The following MACROD2 variants were observed in gnomAD, a reference collection of about 807,000 sequenced individuals.
The protein encoded by MACROD2 is ADP-ribose glycohydrolase MACROD2.
Under a neutral mutation model 70.4 loss-of-function variants are expected in MACROD2, and 36 were observed. The ratio of observed to expected loss-of-function variants is 0.51; its 90% CI spans 0.39 to 0.68. MACROD2 has a LOEUF of 0.68. Ranked by LOEUF, MACROD2 falls within the 30% of genes least tolerant of loss-of-function variation. The pLI is 0.00. For synonymous variants in MACROD2, 172 were observed against 178.8 expected (o/e 0.96, Z 0.30); for missense variants, 496 against 538.4 (o/e 0.92, Z 0.78).
intron 2 of MACROD2, among the ~76,000 whole-genome samples, chr20:14,072,055 A>T (rs1056845096): frequency 2.0e-5 from 3 of 152,234 alleles, no homozygotes; most frequent in Admixed American, 2.0e-4. Flanking sequence ...TAAATAGAAG[A>T]TACATGATTA....
intron 10 of MACROD2, among the ~76,000 whole-genome samples, chr20:15,914,788 A>G (rs962506726): frequency 3.3e-5 from 5 of 152,288 alleles, no homozygotes; most frequent in Non-Finnish European, 7.4e-5. Context: ...CAAGATACCC[A>G]TGGCAAGTCC....
intron 3 of MACROD2, among the ~76,000 whole-genome samples, chr20:14,117,494 T>C (rs1476129256): frequency 6.6e-6 from 1 of 152,184 alleles, no homozygotes; most frequent in Non-Finnish European, 1.5e-5. Context: ...AGTATATTGG[T>C]AGGCAGGTAG....
At chr20:14,641,778 A>G (rs1985112394) in intron 4 of MACROD2, among the ~76,000 whole-genome samples, 1 of 152,238 alleles carries the variant, frequency 6.6e-6, no homozygotes, top group Non-Finnish European at 1.5e-5. Context: ...CTGTAAGCAG[A>G]TATGCTGTCA....
At chr20:14,008,238 A>G (rs966698165) in intron 2 of MACROD2, among the ~76,000 whole-genome samples, 4 of 152,236 alleles carry the variant, frequency 2.6e-5, no homozygotes, top group Non-Finnish European at 5.9e-5. Flanking sequence ...ATCTCAGCCC[A>G]GTAGCTTTTC....
At chr20:15,850,169 C>T (rs1293039203) in intron 8 of MACROD2, among the ~76,000 whole-genome samples, 1 of 152,118 alleles carries the variant, frequency 6.6e-6, no homozygotes, top group Non-Finnish European at 1.5e-5. Context: ...ATCTGTGGAT[C>T]ATGCAGAGGT....
At chr20:15,569,774 G>A (rs73260606) in intron 8 of MACROD2, among the ~76,000 whole-genome samples, 13,078 of 152,118 alleles carry the variant, frequency 0.086, 1,846 homozygotes, top group African/African-American at 0.3. Flanking sequence ...CAACCGTGCC[G>A]ACATACAGTG....
chr20:15,650,823 C>T (rs897634748), intron 8 of MACROD2, among the ~76,000 whole-genome samples: 1 of 152,048 alleles, frequency 6.6e-6, no homozygotes, highest in Non-Finnish European at 1.5e-5. Context: ...AACCTGAGAA[C>T]CCCTTGCGCT....
At position 14,840,405 on chromosome 20, in the gene MACROD2, T is replaced by C. The variant is rs112435140; in HGVS notation, c.418+155446T>C. On this transcript the variant is annotated intron_variant, in intron 5 of 17. Coordinates refer to ENST00000684519, the MANE Select transcript of MACROD2 (RefSeq NM_001351661.2). ...TCAAGCTTAAAATAATTTTCTGCTGTTCTTTTTTTCCAGTAGGGACAAGGT... is the reference window on the plus strand; with the variant it reads ...TCAAGCTTAAAATAATTTTCTGCTGCTCTTTTTTTCCAGTAGGGACAAGGT... Among the ~76,000 whole-genome samples the C allele has an allele frequency of 8.5e-3, 1,298 of 152,158 alleles. 21 individuals are homozygous for C. Among genetic ancestry groups the C allele is most frequent in the Non-Finnish European group, 0.012 (787 of 67,990 alleles).
chr20:14,657,992 C>T (rs555726933), intron 4 of MACROD2, among the ~76,000 whole-genome samples: 12 of 148,554 alleles, frequency 8.1e-5, no homozygotes, highest in South Asian at 4.2e-4. Flanking sequence ...AAAAAAAAGA[C>T]GAAAGATTGT....
chr20:15,847,676 C>T (rs1156827054), intron 8 of MACROD2, among the ~76,000 whole-genome samples: 1 of 152,162 alleles, frequency 6.6e-6, no homozygotes. Flanking sequence ...CATCTGTTGG[C>T]TGTTTTCAGA....
intron 5 of MACROD2, among the ~76,000 whole-genome samples, chr20:14,764,416 G>T (rs148151936): frequency 6.6e-6 from 1 of 152,076 alleles, no homozygotes; most frequent in African/African-American, 2.4e-5. Context: ...CTTCATTATG[G>T]TCTTTGTACC....
At chr20:14,938,377 C>T (rs2074359822) in intron 5 of MACROD2, among the ~76,000 whole-genome samples, 1 of 152,048 alleles carries the variant, frequency 6.6e-6, no homozygotes, top group Admixed American at 6.6e-5. Context: ...TTTTTGATAA[C>T]AGCCATTTTA....
intron 8 of MACROD2, among the ~76,000 whole-genome samples, chr20:15,819,215 A>AAAAATATATATATTTATATATAT (rs1156836727): frequency 1.5e-4 from 21 of 142,842 alleles, no homozygotes; most frequent in Admixed American, 1.1e-3. Flanking sequence ...TTATATATAT[A>AAAAATATATATATTTATATATAT]AAAATATATA....
At chr20:14,440,955 G>A (rs1330076507) in intron 3 of MACROD2, among the ~76,000 whole-genome samples, 3 of 152,108 alleles carry the variant, frequency 2.0e-5, no homozygotes, top group African/African-American at 7.2e-5. Context: ...ACAGAGCCTA[G>A]GACTCACCCC....
At chr20:14,560,320 C>A (rs1479775864) in intron 4 of MACROD2, among the ~76,000 whole-genome samples, 1 of 151,310 alleles carries the variant, frequency 6.6e-6, no homozygotes, top group African/African-American at 2.4e-5. Context: ...CACACACACA[C>A]ACACACACAC....
At chr20:15,493,837 G>T (rs1479000088) in intron 7 of MACROD2, among the ~76,000 whole-genome samples, 1 of 152,174 alleles carries the variant, frequency 6.6e-6, no homozygotes, top group Admixed American at 6.5e-5. Context: ...ATGTCTTTCT[G>T]TAGTGAAATT....
At chr20:15,665,399 AC>A (rs1234906911) in intron 8 of MACROD2, among the ~76,000 whole-genome samples, 1 of 152,148 alleles carries the variant, frequency 6.6e-6, no homozygotes, top group Non-Finnish European at 1.5e-5. Flanking sequence ...GATATAACTC[AC>A]CCCTTACATG....
At chr20:14,406,437 G>A (rs892122293) in intron 3 of MACROD2, among the ~76,000 whole-genome samples, 1 of 152,082 alleles carries the variant, frequency 6.6e-6, no homozygotes, top group Non-Finnish European at 1.5e-5. Context: ...AGGGAACCTG[G>A]TACAAAGAAT....
At chr20:15,947,445 T>C (rs570724192) in intron 12 of MACROD2, among the ~76,000 whole-genome samples, 2 of 152,028 alleles carry the variant, frequency 1.3e-5, no homozygotes, top group African/African-American at 4.8e-5. Context: ...CTGTAAACAT[T>C]ATGTTAACAA....
Sources: allele counts gnomAD v4.1 joint callset (sites outside exome capture counted in the v4.1 genomes callset), GRCh38; gene constraint gnomAD v4.1.1; transcripts MANE v1.5; gene names NCBI Gene and HGNC (gene_info 2026-07-23, HGNC 2026-07-21).